The following CSMD1 variants were observed in gnomAD, a reference collection of about 807,000 sequenced individuals.
CSMD1 encodes the protein CUB and Sushi multiple domains 1.
In CSMD1, 213 loss-of-function variants were observed where a neutral mutation model predicts 417.5. The ratio of observed to expected loss-of-function variants is 0.51; its 90% confidence interval spans 0.46 to 0.57. The LOEUF is 0.57. Ranked by LOEUF, CSMD1 falls within the 20% of genes least tolerant of loss-of-function variation. The probability of loss-of-function intolerance (pLI) is 0.00; values close to 1 mark genes in which losing one functional copy is unlikely to be tolerated. For missense variants in CSMD1, 6,923 were observed against 4,529.7 expected, an observed-to-expected ratio of 1.53 and a Z score of -15.17; for synonymous variants, 2,862 against 1,736.8, an observed-to-expected ratio of 1.65 and a Z score of -16.11.
intron 1 of CSMD1, among the ~76,000 whole-genome samples, chr8:4,663,103 G>C (rs371185118): frequency 7.2e-5 from 11 of 152,156 alleles, no homozygotes; most frequent in African/African-American, 2.4e-4. Flanking sequence ...AGGAGGGCCA[G>C]ATCACGTGGG....
At chr8:3,942,630 C>T (rs1810959210) in intron 5 of CSMD1, among the ~76,000 whole-genome samples, 1 of 152,204 alleles carries the variant, frequency 6.6e-6, no homozygotes, top group Non-Finnish European at 1.5e-5. Flanking sequence ...ATTCTACTTA[C>T]TGGTTAGCCT....
chr8:4,362,882 G>A (rs538166958), intron 3 of CSMD1, among the ~76,000 whole-genome samples: 2 of 152,238 alleles, frequency 1.3e-5, no homozygotes, highest in East Asian at 1.9e-4. Context: ...GCTCATCTGA[G>A]TTATAAAAGT....
In CSMD1 at chr8:4,046,074, A is replaced by G. The variant is rs1339543590; in HGVS notation, c.416-13975T>C. ...ATTTTAAAATCAGTTCTCCCAATTT[A>G]TATACACACATTATATAACATATAA... On this transcript the variant is annotated intron_variant, in intron 3 of 69. Transcript: ENST00000635120. Among the ~76,000 whole-genome samples the G allele has an allele frequency of 1.3e-4, 20 of 152,266 alleles. No homozygotes were observed. In the South Asian group the frequency reaches 3.9e-3, roughly 30 times the overall value.
At chr8:2,955,905 T>A in intron 63 of CSMD1, 137 bp from the exon 64 acceptor site, 1 of 566,542 alleles carries the variant, frequency 1.8e-6, no homozygotes, top group Non-Finnish European at 2.9e-6. Context: ...TACACATATA[T>A]ATGTATATTT....
At position 4,584,650 on chromosome 8, in the gene CSMD1, C is replaced by T. The variant is rs890646363; in HGVS notation, c.302+52692G>A. Reference sequence around the variant, plus strand: ...GGGTCCCAACAACATGTTGGTTGACCCTGTGGCCATGACCGGAACTCTCAA... The same window carrying T: ...GGGTCCCAACAACATGTTGGTTGACTCTGTGGCCATGACCGGAACTCTCAA... On this transcript the variant is annotated intron_variant, in intron 2 of 69. Coordinates refer to ENST00000635120, the MANE Select transcript of CSMD1 (RefSeq NM_033225.6). Among the ~76,000 whole-genome samples the T allele has an allele frequency of 3.3e-5, 5 of 152,030 alleles. No homozygotes were observed. The South Asian group carries it at 1.0e-3, about 32-fold the overall frequency.
chr8:4,460,216 G>C (rs952581197), intron 2 of CSMD1, among the ~76,000 whole-genome samples: 3 of 152,064 alleles, frequency 2.0e-5, no homozygotes, highest in South Asian at 2.1e-4. Flanking sequence ...AGAATACGTG[G>C]AAGTTAAAAA....
At chr8:3,463,221 T>C (rs999608936) in intron 12 of CSMD1, among the ~76,000 whole-genome samples, 1 of 152,172 alleles carries the variant, frequency 6.6e-6, no homozygotes, top group African/African-American at 2.4e-5. Context: ...CCAACTCCAC[T>C]TCCTTCTCTG....
intron 3 of CSMD1, among the ~76,000 whole-genome samples, chr8:4,290,431 A>C (rs1388953798): frequency 5.3e-5 from 8 of 152,198 alleles, no homozygotes; most frequent in Admixed American, 3.9e-4. Flanking sequence ...ATGAGATTTG[A>C]ACTTCCATGC....
In CSMD1 at chr8:4,031,898, A is replaced by C. The variant is rs763741616; in HGVS notation, c.610+7T>G. The C allele has an allele frequency of 1.9e-6, 3 of 1,610,762 alleles. No homozygotes were observed. The highest frequency in any genetic ancestry group is 1.7e-5 in the Admixed American group (1 of 59,852). On this transcript the variant is annotated splice_region_variant and intron_variant, in intron 4 of 69. Transcript: ENST00000635120. ...GTCTGCTCACCAGCCCCCTTGTAGCACTGTACCTCTGCAAAAGGGAGCTGG... is the reference window on the plus strand; with the variant it reads ...GTCTGCTCACCAGCCCCCTTGTAGCCCTGTACCTCTGCAAAAGGGAGCTGG...
In CSMD1 at chr8:3,367,017, A is replaced by G. The variant is rs1416719128; in HGVS notation, c.3115+15T>C. ...TGTTGCCAGAGGAGAGAAACAGCAA[A>G]CAAGACCAACATACCTGAAAATGTG... On this transcript the variant is annotated intron_variant, in intron 20 of 69. Transcript: ENST00000635120. The G allele has an allele frequency of 1.2e-6, 2 of 1,601,362 alleles. No individual in the cohort carries two copies. The highest frequency in any genetic ancestry group is 1.7e-4 in the Middle Eastern group (1 of 6,046).
chr8:4,432,309 A>C (rs759457400), intron 2 of CSMD1, among the ~76,000 whole-genome samples: 2 of 152,172 alleles, frequency 1.3e-5, no homozygotes, highest in Non-Finnish European at 2.9e-5. Context: ...CCCAGAGACT[A>C]GGCAGCTTAA....
Position 4,667,586 on chromosome 8 carries a change from G to C in CSMD1, c.86-30028C>G, listed in dbSNP as rs375801421. On this transcript the variant is annotated intron_variant, in intron 1 of 69. Transcript: ENST00000635120. ...ATTCAGATTTTTATATATTTTCTTGGATTGTCCCTGAGTACTTTATGTATT... is the reference window on the plus strand; with the variant it reads ...ATTCAGATTTTTATATATTTTCTTGCATTGTCCCTGAGTACTTTATGTATT... Among the ~76,000 whole-genome samples, 10 of 151,666 alleles carry C rather than the reference G, an allele frequency of 6.6e-5. No individual in the cohort carries two copies. In the East Asian group the frequency reaches 1.7e-3, roughly 26 times the overall value.
intron 1 of CSMD1, among the ~76,000 whole-genome samples, chr8:4,895,147 G>A (rs1009143232): frequency 1.4e-4 from 21 of 152,038 alleles, no homozygotes; most frequent in Admixed American, 2.6e-4. Flanking sequence ...ATTTACATTC[G>A]CTTCTGTACA....
At chr8:4,852,349 G>A (rs76339009) in intron 1 of CSMD1, among the ~76,000 whole-genome samples, 1 of 152,046 alleles carries the variant, frequency 6.6e-6, no homozygotes, top group Admixed American at 6.5e-5. Flanking sequence ...GAGAGTTCTT[G>A]CAACATCTGG....
chr8:4,385,346 A>G (rs1461383553), intron 3 of CSMD1, among the ~76,000 whole-genome samples: 2 of 152,222 alleles, frequency 1.3e-5, no homozygotes, highest in African/African-American at 2.4e-5. Flanking sequence ...CGGGCCCTTC[A>G]CTGCCACAAA....
At chr8:3,497,102 G>C (rs192306108) in intron 10 of CSMD1, among the ~76,000 whole-genome samples, 2 of 152,274 alleles carry the variant, frequency 1.3e-5, no homozygotes, top group Non-Finnish European at 1.5e-5. Context: ...GTACTGATGA[G>C]AAAAATGTGT....
chr8:4,365,755 C>A (rs920637262), intron 3 of CSMD1, among the ~76,000 whole-genome samples: 1 of 152,134 alleles, frequency 6.6e-6, no homozygotes, highest in Admixed American at 6.6e-5. Context: ...TAGCTGACTC[C>A]GGTGACCGAA....
At chr8:4,143,025 T>A (rs1803885168) in intron 3 of CSMD1, among the ~76,000 whole-genome samples, 1 of 150,282 alleles carries the variant, frequency 6.7e-6, no homozygotes, top group African/African-American at 2.5e-5. Context: ...TAGGAACTAG[T>A]GTCCAATTCC....
chr8:3,942,316 A>C (rs114548345), intron 5 of CSMD1, among the ~76,000 whole-genome samples: 63 of 152,252 alleles, frequency 4.1e-4, no homozygotes, highest in African/African-American at 1.5e-3. Flanking sequence ...CTTCCAGTGG[A>C]AAAATTGTCT....
Sources: gnomAD v4.1 joint callset for allele counts (sites outside exome capture counted in the v4.1 genomes callset) on GRCh38, gnomAD v4.1.1 for gene constraint, MANE v1.5 for transcripts, NCBI Gene and HGNC (gene_info 2026-07-23, HGNC 2026-07-21) for gene names.